The following LRP6 variants were observed in gnomAD, a reference collection of about 807,000 sequenced individuals.
LRP6 encodes the protein LDL receptor related protein 6, also known as low-density lipoprotein receptor-related protein 6.
Under a neutral mutation model 184.1 loss-of-function variants are expected in LRP6, and 43 were observed. That is an observed-to-expected ratio of 0.23 (90% CI 0.18 to 0.30). The LOEUF is 0.30. Among genes scored for constraint, LRP6 ranks in the 10% least tolerant of loss-of-function variants. LRP6 has a pLI of 1.00. For synonymous variants in LRP6, 719 were observed against 684.9 expected, an observed-to-expected ratio of 1.05 and a Z score of -0.78; for missense variants, 1,571 against 2,005.3, an observed-to-expected ratio of 0.78 and a Z score of 4.14.
At chr12:12,230,226 G>T (rs1864746789) in intron 2 of LRP6, among the ~76,000 whole-genome samples, 1 of 151,524 alleles carries the variant, frequency 6.6e-6, no homozygotes, top group Non-Finnish European at 1.5e-5. Flanking sequence ...ATCTCAAACT[G>T]ATAATAAGAC....
intron 22 of LRP6, among the ~76,000 whole-genome samples, chr12:12,124,072 TA>T (rs35441977): frequency 0.027 from 3,833 of 143,496 alleles, 152 homozygotes; most frequent in African/African-American, 0.086. Context: ...GTGACTCTCT[TA>T]AAAAAAAAAA....
chr12:12,215,954 G>C (rs1864333116), intron 2 of LRP6, among the ~76,000 whole-genome samples: 1 of 152,102 alleles, frequency 6.6e-6, no homozygotes, highest in Non-Finnish European at 1.5e-5. Context: ...AGAGGTTGCA[G>C]TGAGCCAAGA....
intron 2 of LRP6, among the ~76,000 whole-genome samples, chr12:12,241,423 T>A (rs1201907691): frequency 6.6e-6 from 1 of 152,208 alleles, no homozygotes; most frequent in East Asian, 1.9e-4. Flanking sequence ...TGAAAGATCA[T>A]CTGATGAATA....
intron 3 of LRP6, among the ~76,000 whole-genome samples, chr12:12,194,004 T>G (rs188890728): frequency 1.4e-4 from 22 of 152,124 alleles, no homozygotes; most frequent in Admixed American, 1.2e-3. Flanking sequence ...CACGACCAAG[T>G]AGAACTTACC....
chr12:12,174,763 C>T (rs557219629), intron 7 of LRP6, among the ~76,000 whole-genome samples: 73 of 152,174 alleles, frequency 4.8e-4, no homozygotes, highest in Admixed American at 1.5e-3. Flanking sequence ...GAATATGAAA[C>T]AGAACATTCA....
intron 12 of LRP6, chr12:12,155,379 G>A (rs1175545739): frequency 2.6e-6 from 2 of 780,118 alleles, no homozygotes; most frequent in Non-Finnish European, 4.6e-6. Context: ...AGGTGATATT[G>A]TAGACATCAA....
chr12:12,167,733 C>A (rs1017385304), intron 7 of LRP6, among the ~76,000 whole-genome samples: 4 of 151,926 alleles, frequency 2.6e-5, no homozygotes, highest in Non-Finnish European at 4.4e-5. Flanking sequence ...GTATTAGGTG[C>A]ACTATCTGGT....
chr12:12,166,575 T>C (rs1349081210), intron 7 of LRP6, among the ~76,000 whole-genome samples: 1 of 152,240 alleles, frequency 6.6e-6, no homozygotes, highest in Non-Finnish European at 1.5e-5. Context: ...TAAATTACGC[T>C]AATTTTGCTG....
At chr12:12,254,412 C>T (rs1038573815) in intron 1 of LRP6, among the ~76,000 whole-genome samples, 2 of 152,128 alleles carry the variant, frequency 1.3e-5, no homozygotes, top group African/African-American at 4.8e-5. Flanking sequence ...GATGCCTTAG[C>T]GTCCTATTTT....
At chr12:12,200,448 G>T (rs111580539) in intron 3 of LRP6, among the ~76,000 whole-genome samples, 1 of 152,042 alleles carries the variant, frequency 6.6e-6, no homozygotes, top group Non-Finnish European at 1.5e-5. Context: ...TTCTTCCAAG[G>T]AGGCTGAGGC....
Position 12,117,026 on chromosome 12 carries a change from G to C in LRP6, c.*4100C>G, listed in dbSNP as rs3741792. On this transcript the variant is annotated 3_prime_UTR_variant, in exon 23 of 23. Coordinates refer to ENST00000261349, the MANE Select transcript of LRP6 (RefSeq NM_002336.3). The stretch of plus-strand genomic sequence containing the variant: ...CCAAAGTCTTCTACCATAAAATGTT[G>C]AGAATTTCAAAAGCTAAATTTTGAA... 1 of 152,082 alleles carries C rather than the reference G, an allele frequency of 6.6e-6. No individual in the cohort carries two copies. The highest frequency in any genetic ancestry group is 1.5e-5 in the Non-Finnish European group (1 of 68,000). The allele number at this position is 152,082 out of a possible 1,614,324, so 9.4% of individuals were successfully genotyped here. A position where few individuals can be genotyped will look rare whatever the true frequency, so the allele number is the denominator to read the frequency against.
At chr12:12,140,154 A>G (rs1391465584) in intron 15 of LRP6, among the ~76,000 whole-genome samples, 2 of 152,114 alleles carry the variant, frequency 1.3e-5, no homozygotes, top group African/African-American at 4.8e-5. Context: ...AGGAACTTGG[A>G]GAAAAAGACA....
At chr12:12,208,204 T>C (rs1864116649) in intron 2 of LRP6, among the ~76,000 whole-genome samples, 2 of 152,228 alleles carry the variant, frequency 1.3e-5, no homozygotes, top group Non-Finnish European at 2.9e-5. Flanking sequence ...TATATGAAGC[T>C]ATAGATGTAA....
chr12:12,139,400 C>T (rs1320985631), intron 15 of LRP6, among the ~76,000 whole-genome samples: 2 of 152,168 alleles, frequency 1.3e-5, no homozygotes, highest in Non-Finnish European at 2.9e-5. Context: ...CTTATATATT[C>T]TCTCCTAAAA....
intron 2 of LRP6, among the ~76,000 whole-genome samples, chr12:12,206,474 C>T (rs1238897163): frequency 7.3e-5 from 11 of 150,162 alleles, no homozygotes; most frequent in Middle Eastern, 3.4e-3. Flanking sequence ...ACCCGGGACG[C>T]GGAGCTTGCA....
intron 7 of LRP6, among the ~76,000 whole-genome samples, chr12:12,169,577 C>T (rs1383308820): frequency 6.6e-6 from 1 of 152,008 alleles, no homozygotes; most frequent in African/African-American, 2.4e-5. Context: ...ATGAAGACCA[C>T]GATCAAAGTA....
At chr12:12,262,557 CAAA>C (rs57218812) in intron 1 of LRP6, among the ~76,000 whole-genome samples, 3 of 74,430 alleles carry the variant, frequency 4.0e-5, no homozygotes, top group Non-Finnish European at 2.7e-5. Context: ...GACTCCGTCT[CAAA>C]AAAAAAAAAA....
chr12:12,229,604 A>C (rs906075267), intron 2 of LRP6, among the ~76,000 whole-genome samples: 3 of 152,228 alleles, frequency 2.0e-5, no homozygotes, highest in African/African-American at 7.2e-5. Context: ...AGAAACCTGT[A>C]GACACATAAA....
Position 12,126,913 on chromosome 12 carries a change from C to T in LRP6, c.4090G>A (p.Glu1364Lys), listed in dbSNP as rs764582341. The T allele has an allele frequency of 2.5e-5, 40 of 1,613,490 alleles. No homozygotes were observed. Among genetic ancestry groups the T allele is most frequent in the Non-Finnish European group, 3.3e-5 (39 of 1,179,504 alleles). The stretch of plus-strand genomic sequence containing the variant: ...TTGGTGGCCTGTGGTGCTGGTTCTT[C>T]AGTCGGATCTACAATGAAGAATGCA... The part of the protein sequence containing the change: ...KSDELDCYPT[E>K]EPAPQATNTV... Residue 1364 changes from glutamate to lysine, a missense_variant, in exon 20 of 23, where the codon GAA becomes AAA. Around this residue, in one of 4 missense-constraint regions of LRP6, gnomAD observed 763 missense variants for 859.5 expected, o/e 0.89. Transcript: ENST00000261349.
Sources: gnomAD v4.1 joint callset for allele counts (sites outside exome capture counted in the v4.1 genomes callset) on GRCh38, gnomAD v4.1.1 for gene constraint, gnomAD v4.1.1 regional missense constraint, MANE v1.5 for transcripts, NCBI Gene and HGNC (gene_info 2026-07-23, HGNC 2026-07-21) for gene names.